GPR6: variants seen among roughly 807,000 people sequenced by gnomAD.
The protein encoded by GPR6 is sphingosine 1-phosphate receptor GPR6.
In GPR6, 14 loss-of-function variants were observed where a neutral mutation model predicts 18.5. The observed-to-expected ratio is 0.76, with a 90% CI of 0.50 to 1.18. The LOEUF is 1.18. Ranked by LOEUF, GPR6 falls within the 50% of genes most tolerant of loss-of-function variation. The probability of loss-of-function intolerance (pLI) is 0.00; values close to 1 mark genes in which losing one functional copy is unlikely to be tolerated. For missense variants in GPR6, 477 were observed against 495.9 expected (o/e 0.96, Z 0.36); for synonymous variants, 299 against 240.9 (o/e 1.24, Z -2.23).
chr6:109,979,395 G>A lies in GPR6; in HGVS notation c.283G>A (p.Ala95Thr), dbSNP rs1225571765. The A allele has an allele frequency of 3.7e-6, 6 of 1,613,538 alleles. No homozygotes were observed. Among genetic ancestry groups the A allele is most frequent in the Non-Finnish European group, 5.1e-6 (6 of 1,179,994 alleles). The change falls in exon 2 of 2, where the codon GCG (alanine) becomes ACG (threonine). Residue 95 changes from alanine to threonine, a missense_variant. Transcript: ENST00000275169. ...VIAGENALVV[A>T]LIASTPALRT... ...CGCTGGAGAAAACGCGCTGGTGGTG[G>A]CGCTCATCGCGTCCACTCCGGCGCT...
Position 109,979,750 on chromosome 6 carries a change from G to T in GPR6, c.638G>T (p.Arg213Leu). The T allele has an allele frequency of 6.2e-7, 1 of 1,600,734 alleles. No individual in the cohort carries two copies. Among genetic ancestry groups the T allele is most frequent in the Non-Finnish European group, 8.5e-7 (1 of 1,177,744 alleles). ...PVLGWNCLAERAACSVVRPLA... is the reference protein window; with the variant it reads ...PVLGWNCLAELAACSVVRPLA... ...CTGGGCTGGAACTGCCTGGCAGAGC[G>T]CGCCGCCTGCAGCGTGGTGCGCCCG... The change falls in exon 2 of 2, where the codon CGC becomes CTC. Residue 213 changes from arginine to leucine, a missense_variant. Arg to Leu is a moderately radical substitution (Grantham distance 102). Transcript: ENST00000275169.
chr6:109,980,489 T>C lies in GPR6; in HGVS notation c.*288T>C, dbSNP rs1771064864. ...TGAAAAACCAAGAAAAAGATATGGT[T>C]GTATACTCAAATTGTACATCACGTT... On this transcript the variant is annotated 3_prime_UTR_variant, in exon 2 of 2. Coordinates refer to ENST00000275169, the MANE Select transcript of GPR6 (RefSeq NM_005284.5). 1 of 442,810 alleles carries C rather than the reference T, an allele frequency of 2.3e-6. No individual in the cohort carries two copies. The highest frequency in any genetic ancestry group is 4.1e-6 in the Non-Finnish European group (1 of 242,530). The allele number at this position is 442,810 out of a possible 1,614,324, so 27.4% of individuals were successfully genotyped here. A position where few individuals can be genotyped will look rare whatever the true frequency, so the allele number is the denominator to read the frequency against.
rs1771006578 is a variant in GPR6 at position 109,978,986 on chromosome 6, G to A, written c.-18-109G>A. ...CCCCGATTTGCTCTGGGGTCCCAGG[G>A]TGGGGTGGGCAACTCAAGTGGGGCA... On this transcript the variant is annotated intron_variant, in intron 1 of 1. Transcript: ENST00000275169. 4 of 1,538,200 alleles carry A rather than the reference G, an allele frequency of 2.6e-6. No individual in the cohort carries two copies. The South Asian group carries it at 3.7e-5, about 14-fold the overall frequency.
In GPR6 at chr6:109,980,079, A is replaced by G. The variant is rs1407638120; in HGVS notation, c.967A>G (p.Met323Val). The change falls in exon 2 of 2, where the codon ATG becomes GTG. Residue 323 changes from methionine (M) to valine (V), a missense_variant. By Grantham distance (21) the Met-to-Val change is conservative (BLOSUM62 1). Transcript: ENST00000275169. ...ATLLPATYNS[M>V]INPIIYAFRN... ...CCTGCTGCCCGCCACCTACAACTCC[A>G]TGATCAATCCCATCATCTATGCCTT... 1 of 1,614,034 alleles carries G rather than the reference A, an allele frequency of 6.2e-7. No homozygotes were observed. The highest frequency in any genetic ancestry group is 1.7e-5 in the Admixed American group (1 of 60,006).
chr6:109,979,941 G>C lies in GPR6; in HGVS notation c.829G>C (p.Gly277Arg). 6.2e-7 allele frequency: 1 copy of C among 1,613,024 alleles called. No individual in the cohort carries two copies. ...ACCCCATCTCGCTGCCACCAGAAAG[G>C]GTGTGGGTACACTGGCTGTGGTGCT... ...APPHLAATRK[G>R]VGTLAVVLGT... The change falls in exon 2 of 2, where the codon GGT (glycine) becomes CGT (arginine). Residue 277 changes from glycine (G) to arginine (R), a missense_variant. Coordinates refer to ENST00000275169, the MANE Select transcript of GPR6 (RefSeq NM_005284.5).
At chr6:109,979,023 G>A in intron 1 of GPR6, 72 bp from the exon 2 acceptor site, 4 of 1,536,592 alleles carry the variant, frequency 2.6e-6, no homozygotes, top group Non-Finnish European at 3.5e-6. Context: ...TGCGAGAGGA[G>A]GCTCTACGCG....
At position 109,980,319 on chromosome 6, in the gene GPR6, A is replaced by G; in HGVS notation, c.*118A>G. On this transcript the variant is annotated 3_prime_UTR_variant, in exon 2 of 2. Transcript: ENST00000275169. ...TGGTGTGAGTCTGACTTTGGAAAGA[A>G]AAAGGGACTAAAGAGAAATGTAACA... is the stretch of plus-strand genomic sequence containing the variant. The G allele has an allele frequency of 1.4e-6, 2 of 1,409,196 alleles. No individual in the cohort carries two copies. Among genetic ancestry groups the G allele is most frequent in the Non-Finnish European group, 2.0e-6 (2 of 1,020,752 alleles). 87.3% of individuals were successfully genotyped at this position (1,409,196 alleles called of 1,614,324 possible).
In GPR6 at chr6:109,978,743, G is replaced by C. The variant is rs1209120131; in HGVS notation, c.-19+276G>C. The stretch of plus-strand genomic sequence containing the variant: ...CCAGCCCCATGGGGATGTCCTGGTC[G>C]CGCCGCCACAACCCAGGCGGGACTC... On this transcript the variant is annotated intron_variant, in intron 1 of 1. Coordinates refer to ENST00000275169, the MANE Select transcript of GPR6 (RefSeq NM_005284.5). 3.3e-6 allele frequency: 5 copies of C among 1,535,492 alleles called. No homozygotes were observed. The African/African-American group carries it at 4.1e-5, about 13-fold the overall frequency.
rs751886442 is a variant in GPR6, at chr6:109,980,129, C to T, written c.1017C>T (p.Ala339=). Residue 339 remains alanine, a synonymous_variant, in exon 2 of 2, where the codon GCC becomes GCT. Coordinates refer to ENST00000275169, the MANE Select transcript of GPR6 (RefSeq NM_005284.5). ...TCCGCAACCAGGAGATCCAGCGCGC[C>T]CTGTGGCTCCTGCTCTGTGGCTGTT... ...YAFRNQEIQR[A]LWLLLCGCFQ... is the part of the protein sequence containing the mutation. 1 of 1,614,252 alleles carries T rather than the reference C, an allele frequency of 6.2e-7. No homozygotes were observed. Among genetic ancestry groups the T allele is most frequent in the East Asian group, 2.2e-5 (1 of 44,874 alleles).
intron 1 of GPR6, 107 bp downstream of exon 1, chr6:109,978,574 A>T: frequency 1.7e-6 from 1 of 589,746 alleles, no homozygotes; most frequent in Non-Finnish European, 3.0e-6. Flanking sequence ...GCCAACCTTG[A>T]CTCCCACCCT....
rs1471112472 is a variant in GPR6, at chr6:109,979,225, C to T, written c.113C>T (p.Pro38Leu). The change falls in exon 2 of 2, where the codon CCC becomes CTC. Residue 38 changes from proline (P) to leucine (L), a missense_variant. Pro to Leu is a moderately conservative substitution (Grantham distance 98, BLOSUM62 -3). Transcript: ENST00000275169. ...GGGCCGGACACGGGCGAATGGGGAC[C>T]CCCTGCTGCGGCGGCTCTAGGAGCC... The part of the protein sequence containing the change: ...AGGPDTGEWG[P>L]PAAAALGAGG... The T allele has an allele frequency of 6.2e-7, 1 of 1,605,384 alleles. No individual in the cohort carries two copies. The highest frequency in any genetic ancestry group is 1.3e-5 in the African/African-American group (1 of 74,560).
chr6:109,980,176 G>T lies in GPR6; in HGVS notation c.1064G>T (p.Arg355Leu), dbSNP rs1473792217. Residue 355 changes from arginine (R) to leucine (L), a missense_variant, in exon 2 of 2, where the codon CGT (arginine) becomes CTT (leucine). Physicochemically the swap from Arg to Leu is moderately radical, Grantham distance 102. Coordinates refer to ENST00000275169, the MANE Select transcript of GPR6 (RefSeq NM_005284.5). ...CGCFQSKVPF[R>L]SRSPSEV ...TGTTTCCAGTCCAAAGTGCCCTTTC[G>T]TTCCAGGTCTCCCAGCGAGGTCTGA... 3 of 1,614,176 alleles carry T rather than the reference G, an allele frequency of 1.9e-6. No homozygotes were observed. The South Asian group carries it at 3.3e-5, about 18-fold the overall frequency.
intron 1 of GPR6, 159 bp downstream of exon 1, chr6:109,978,626 C>G: frequency 1.1e-6 from 1 of 879,652 alleles, no homozygotes; most frequent in Non-Finnish European, 1.7e-6. Flanking sequence ...CCTCCCAGAC[C>G]CCCTTCGCAG....
chr6:109,978,709 C>A, intron 1 of GPR6: 1 of 1,527,840 alleles, frequency 6.5e-7, no homozygotes, highest in Non-Finnish European at 8.8e-7. Flanking sequence ...CGGACAGCGT[C>A]TCTGCTGCCC....
In GPR6 at chr6:109,980,324, G is replaced by C; in HGVS notation, c.*123G>C. 1 of 1,380,494 alleles carries C rather than the reference G, an allele frequency of 7.2e-7. No homozygotes were observed. The allele number at this position is 1,380,494 out of a possible 1,614,324, so 85.5% of individuals were successfully genotyped here. On this transcript the variant is annotated 3_prime_UTR_variant, in exon 2 of 2. Transcript: ENST00000275169. ...TGAGTCTGACTTTGGAAAGAAAAAG[G>C]GACTAAAGAGAAATGTAACAAACTT...
At position 109,980,043 on chromosome 6, in the gene GPR6, A is replaced by C; in HGVS notation, c.931A>C (p.Thr311Pro). ...CAGCCATGAGGACCCGGCGGTCTACACTTACGCCACCCTGCTGCCCGCCAC... is the reference window on the plus strand; with the variant it reads ...CAGCCATGAGGACCCGGCGGTCTACCCTTACGCCACCCTGCTGCCCGCCAC... Reference protein sequence around the residue: ...VGSHEDPAVYTYATLLPATYN... With the variant: ...VGSHEDPAVYPYATLLPATYN... Residue 311 changes from threonine (T) to proline (P), a missense_variant, in exon 2 of 2, where the codon ACT becomes CCT. Transcript: ENST00000275169. 6.2e-7 allele frequency: 1 copy of C among 1,613,922 alleles called. No homozygotes were observed. The highest frequency in any genetic ancestry group is 8.5e-7 in the Non-Finnish European group (1 of 1,180,000).
At position 109,979,671 on chromosome 6, in the gene GPR6, C is replaced by T. The variant is rs771391332; in HGVS notation, c.559C>T (p.Leu187Phe). The T allele has an allele frequency of 5.0e-6, 8 of 1,610,864 alleles. No individual in the cohort carries two copies. Among genetic ancestry groups the T allele is most frequent in the Middle Eastern group, 3.3e-4 (2 of 6,084 alleles). ...GCGCCGGACCCTGTTGGGCGTGCAC[C>T]TCCTGCTTGCCGCCACTTGGACCGT... ...YSRRTLLGVH[L>F]LLAATWTVSL... Residue 187 changes from leucine to phenylalanine, a missense_variant, in exon 2 of 2, where the codon CTC becomes TTC. Transcript: ENST00000275169.
At position 109,979,211 on chromosome 6, in the gene GPR6, G is replaced by T. The variant is rs375711945; in HGVS notation, c.99G>T (p.Thr33=). The part of the protein sequence containing the change: ...AAATAAGGPD[T]GEWGPPAAAA... ...CCACAGCAGCAGGGGGGCCGGACAC[G>T]GGCGAATGGGGACCCCCTGCTGCGG... Residue 33 remains threonine (T), a synonymous_variant, in exon 2 of 2, where the codon ACG becomes ACT. Coordinates refer to ENST00000275169, the MANE Select transcript of GPR6 (RefSeq NM_005284.5). 5.6e-6 allele frequency: 9 copies of T among 1,600,620 alleles called. 1 individual carries two copies. Among genetic ancestry groups the T allele is most frequent in the African/African-American group, 4.0e-5 (3 of 74,202 alleles).
rs1429148145 is a variant in GPR6 at position 109,979,369 on chromosome 6, T to C, written c.257T>C (p.Ile86Thr). 6.2e-7 allele frequency: 1 copy of C among 1,613,792 alleles called. No homozygotes were observed. Among genetic ancestry groups the C allele is most frequent in the Non-Finnish European group, 8.5e-7 (1 of 1,179,972 alleles). The change falls in exon 2 of 2, where the codon ATC (isoleucine) becomes ACC (threonine). Residue 86 changes from isoleucine to threonine, a missense_variant. Coordinates refer to ENST00000275169, the MANE Select transcript of GPR6 (RefSeq NM_005284.5). ...DVLLCVSGTV[I>T]AGENALVVAL... The stretch of plus-strand genomic sequence containing the variant: ...CTCCTGTGCGTGTCGGGGACAGTGA[T>C]CGCTGGAGAAAACGCGCTGGTGGTG...
Sources: gnomAD v4.1 joint callset for allele counts on GRCh38, gnomAD v4.1.1 for gene constraint, MANE v1.5 for transcripts, NCBI Gene and HGNC (gene_info 2026-07-23, HGNC 2026-07-21) for gene names.